SCN8A: variants seen among roughly 807,000 people sequenced by gnomAD.
SCN8A encodes the protein sodium channel protein type 8 subunit alpha.
Under a neutral mutation model 184.1 loss-of-function variants are expected in SCN8A, and 30 were observed. That is an observed-to-expected ratio of 0.16 (90% CI 0.12 to 0.22). SCN8A has a LOEUF of 0.22. SCN8A is among the 10% of genes least tolerant of loss of function. SCN8A has a pLI of 1.00. For synonymous variants in SCN8A, 852 were observed against 907.0 expected, an observed-to-expected ratio of 0.94 and a Z score of 1.09; for missense variants, 1,057 against 2,498.9, an observed-to-expected ratio of 0.42 and a Z score of 12.30.
intron 2 of SCN8A, among the ~76,000 whole-genome samples, chr12:51,679,498 G>T (rs1396575359): frequency 6.6e-6 from 1 of 152,134 alleles, no homozygotes; most frequent in African/African-American, 2.4e-5. Flanking sequence ...GTTGCATGTT[G>T]TCTATGGCTA....
chr12:51,727,322 C>A (rs1942170965), intron 12 of SCN8A, among the ~76,000 whole-genome samples: 1 of 151,650 alleles, frequency 6.6e-6, no homozygotes, highest in East Asian at 1.9e-4. Context: ...AAAAAAAATA[C>A]AAGGCTCCTA....
At chr12:51,749,209 G>A (rs573701589) in intron 13 of SCN8A, among the ~76,000 whole-genome samples, 3 of 152,298 alleles carry the variant, frequency 2.0e-5, no homozygotes, top group South Asian at 2.1e-4. Flanking sequence ...TTTTGTAGGC[G>A]TGAAAGTTTA....
chr12:51,620,430 A>C (rs1333742899), intron 1 of SCN8A, among the ~76,000 whole-genome samples: 1 of 152,166 alleles, frequency 6.6e-6, no homozygotes, highest in African/African-American at 2.4e-5. Context: ...ATAAATTGTT[A>C]AGTAATAAAA....
chr12:51,731,234 CT>C (rs1273019611), intron 12 of SCN8A, among the ~76,000 whole-genome samples: 1 of 149,518 alleles, frequency 6.7e-6, no homozygotes, highest in Non-Finnish European at 1.5e-5. Context: ...TTTCTTTTTT[CT>C]TTTTCTTCTT....
At chr12:51,790,646 A>G (rs1306955240) in intron 25 of SCN8A, 144 bp downstream of exon 25, 4 of 595,302 alleles carry the variant, frequency 6.7e-6, no homozygotes, top group Non-Finnish European at 1.2e-5. Flanking sequence ...AAAGATCTGA[A>G]TAGGACAGCA....
chr12:51,800,762 C>A (rs1039845495), intron 26 of SCN8A, among the ~76,000 whole-genome samples: 20 of 152,336 alleles, frequency 1.3e-4, no homozygotes, highest in Middle Eastern at 3.4e-3. Flanking sequence ...CCCCTGGAAT[C>A]ATTGTCAGCT....
rs201072604 is a variant in SCN8A, at chr12:51,627,752, AT to A, written c.-54-35010del. ...GAGAGCCCTTGATCTTCTTTTCTGA[AT>A]TGTCTAGTATTAATAATTTATAGCT... On this transcript the variant is annotated intron_variant, in intron 1 of 26. Transcript: ENST00000627620. Among the ~76,000 whole-genome samples the A allele has an allele frequency of 7.1e-3, 1,078 of 152,254 alleles. 8 individuals carry two copies. The highest frequency in any genetic ancestry group is 0.012 in the Non-Finnish European group (809 of 68,002).
intron 12 of SCN8A, among the ~76,000 whole-genome samples, chr12:51,738,692 T>G (rs1264870696): frequency 6.6e-6 from 1 of 152,238 alleles, no homozygotes. Flanking sequence ...GAAGTAGATA[T>G]AACAATTTGA....
At chr12:51,714,783 A>G (rs1941938969) in intron 11 of SCN8A, among the ~76,000 whole-genome samples, 2 of 152,356 alleles carry the variant, frequency 1.3e-5, no homozygotes, top group South Asian at 4.1e-4. Context: ...TGTGGAATGC[A>G]AAAGTTACAC....
At chr12:51,794,727 A>T (rs1410451582) in intron 26 of SCN8A, 86 bp downstream of exon 26, 1 of 1,370,952 alleles carries the variant, frequency 7.3e-7, no homozygotes, top group African/African-American at 1.4e-5. Context: ...AATGAATGAC[A>T]CAGGTCTGAA....
chr12:51,653,785 C>A (rs1409484394), intron 1 of SCN8A, among the ~76,000 whole-genome samples: 6 of 152,168 alleles, frequency 3.9e-5, no homozygotes, highest in Non-Finnish European at 5.9e-5. Context: ...TTACCACCAG[C>A]AGAGCACTAG....
chr12:51,785,408 C>T (rs1938054831), intron 21 of SCN8A, among the ~76,000 whole-genome samples: 1 of 152,156 alleles, frequency 6.6e-6, no homozygotes, highest in Non-Finnish European at 1.5e-5. Flanking sequence ...ATTGGAGAAA[C>T]ACAAAATGAA....
chr12:51,770,438 AG>A (rs1942907316), intron 18 of SCN8A, 90 bp from the exon 19 acceptor site: 2 of 1,374,058 alleles, frequency 1.5e-6, no homozygotes, highest in Non-Finnish European at 2.0e-6. Flanking sequence ...GTGGTGGGGC[AG>A]CACCTGGCAG....
At chr12:51,648,973 A>C (rs1940650061) in intron 1 of SCN8A, among the ~76,000 whole-genome samples, 1 of 152,160 alleles carries the variant, frequency 6.6e-6, no homozygotes, top group South Asian at 2.1e-4. Context: ...GTAAAATCAA[A>C]AGCAAGCTAG....
intron 6 of SCN8A, among the ~76,000 whole-genome samples, chr12:51,690,403 G>C (rs1941487041): frequency 6.6e-6 from 1 of 152,042 alleles, no homozygotes. Context: ...TGTTGCCCAG[G>C]CTGGAGTGGT....
chr12:51,745,903 G>A lies in SCN8A; in HGVS notation c.1999G>A (p.Ala667Thr). ...SHIGGRLLPE[A>T]TTEVEIKKKG... is the part of the protein sequence containing the mutation. Reference sequence around the variant, plus strand: ...TGCTTTTCTTTTTTTTTTTTTAAAGGCTACAACTGAGGTGGAAATTAAGAA... The same window carrying A: ...TGCTTTTCTTTTTTTTTTTTTAAAGACTACAACTGAGGTGGAAATTAAGAA... Residue 667 changes from alanine (A) to threonine (T), a missense_variant and splice_region_variant, in exon 13 of 27, where the codon GCT becomes ACT. This residue lies in a region of SCN8A where 322 missense variants were observed against 390.1 expected (regional missense o/e 0.83). Transcript: ENST00000627620. The A allele has an allele frequency of 6.4e-7, 1 of 1,568,152 alleles. No homozygotes were observed. Among genetic ancestry groups the A allele is most frequent in the Non-Finnish European group, 8.6e-7 (1 of 1,163,758 alleles).
intron 26 of SCN8A, among the ~76,000 whole-genome samples, chr12:51,797,309 A>T (rs1938439012): frequency 6.6e-6 from 1 of 152,274 alleles, no homozygotes; most frequent in Admixed American, 6.5e-5. Flanking sequence ...TACGAAGTCA[A>T]CAAATCTTAC....
chr12:51,659,540 A>T (rs1940887500), intron 1 of SCN8A, among the ~76,000 whole-genome samples: 1 of 152,238 alleles, frequency 6.6e-6, no homozygotes, highest in Non-Finnish European at 1.5e-5. Flanking sequence ...AATGTTTATG[A>T]TGCATACGGT....
At chr12:51,715,682 A>G (rs1342603791) in intron 11 of SCN8A, among the ~76,000 whole-genome samples, 3 of 138,348 alleles carry the variant, frequency 2.2e-5, no homozygotes, top group Non-Finnish European at 4.8e-5. Context: ...AAAAAAAAAA[A>G]TTATATAAAA....
Sources: gnomAD v4.1 joint callset for allele counts (sites outside exome capture counted in the v4.1 genomes callset) on GRCh38, gnomAD v4.1.1 for gene constraint, gnomAD v4.1.1 regional missense constraint, MANE v1.5 for transcripts, NCBI Gene and HGNC (gene_info 2026-07-23, HGNC 2026-07-21) for gene names.